Variants in SMIM13 observed in about 807,000 individuals in gnomAD.
SMIM13 encodes the protein UPF0766 protein C6orf228.
SMIM13 carries 3 observed loss-of-function variants against 5.9 expected under a neutral mutation model. The observed-to-expected ratio is 0.51, with a 90% CI of 0.23 to 1.31. The LOEUF is 1.31. Ranked by LOEUF, SMIM13 falls within the 40% of genes most tolerant of loss-of-function variation. The pLI, the probability that SMIM13 is intolerant of heterozygous loss-of-function variation, is 0.18. For synonymous variants in SMIM13, 55 were observed against 46.0 expected (o/e 1.19, Z -0.79); for missense variants, 85 against 109.9 (o/e 0.77, Z 1.01).
At chr6:11,096,884 T>A (rs1299667113) in intron 1 of SMIM13, among the ~76,000 whole-genome samples, 1 of 152,078 alleles carries the variant, frequency 6.6e-6, no homozygotes, top group East Asian at 1.9e-4. Flanking sequence ...AGAGATGGGG[T>A]TTCTCCATGT....
In SMIM13 at chr6:11,103,875, C is replaced by G. The variant is rs748070072; in HGVS notation, c.76+9486C>G. On this transcript the variant is annotated intron_variant, in intron 1 of 1. Coordinates refer to ENST00000416247, the MANE Select transcript of SMIM13 (RefSeq NM_001135575.2). ...TGTAAGGGGAAGAACCCAAGAGAACCATTTCCAAGTTCCTTCCCAATTTAA... is the reference window on the plus strand; with the variant it reads ...TGTAAGGGGAAGAACCCAAGAGAACGATTTCCAAGTTCCTTCCCAATTTAA... The G allele has an allele frequency of 6.4e-6, 10 of 1,551,702 alleles. No individual in the cohort carries two copies. The South Asian group carries it at 1.2e-4, about 18-fold the overall frequency.
chr6:11,123,619 T>A (rs956381476), intron 1 of SMIM13, among the ~76,000 whole-genome samples: 1 of 152,228 alleles, frequency 6.6e-6, no homozygotes, highest in East Asian at 1.9e-4. Flanking sequence ...TTAGATGATA[T>A]GTGCAAAGCA....
At position 11,137,807 on chromosome 6, in the gene SMIM13, A is replaced by C. The variant is rs1300646181; in HGVS notation, c.*3205A>C. 1 of 152,210 alleles carries C rather than the reference A, an allele frequency of 6.6e-6. No homozygotes were observed. The highest frequency in any genetic ancestry group is 1.5e-5 in the Non-Finnish European group (1 of 68,028). The allele number at this position is 152,210 out of a possible 1,614,324, so 9.4% of individuals were successfully genotyped here. Reference sequence around the variant, plus strand: ...TTGATATTTCCATCAAAATGAATATAAAATTCACTTGATGGATTTTGTAGT... The same window carrying C: ...TTGATATTTCCATCAAAATGAATATCAAATTCACTTGATGGATTTTGTAGT... On this transcript the variant is annotated 3_prime_UTR_variant, in exon 2 of 2. Coordinates refer to ENST00000416247, the MANE Select transcript of SMIM13 (RefSeq NM_001135575.2).
At chr6:11,105,274 A>G in intron 1 of SMIM13, 1 of 1,613,996 alleles carries the variant, frequency 6.2e-7, no homozygotes, top group Non-Finnish European at 8.5e-7. Context: ...GCTGCTAGTG[A>G]AGGCGTGAGA....
intron 1 of SMIM13, 98 bp downstream of exon 1, chr6:11,094,487 G>T: frequency 1.1e-6 from 1 of 933,852 alleles, no homozygotes; most frequent in Non-Finnish European, 1.6e-6. Flanking sequence ...AAACAAAAGG[G>T]CGTGGACGGA....
rs111512160 is a variant in SMIM13, at chr6:11,129,079, G to A, written c.77-5324G>A. On this transcript the variant is annotated intron_variant, in intron 1 of 1. Coordinates refer to ENST00000416247, the MANE Select transcript of SMIM13 (RefSeq NM_001135575.2). The stretch of plus-strand genomic sequence containing the variant: ...TCAATTTGGCATTGCTACCGGGAGC[G>A]GGGGGGGGATGATCACTGGAGGCTT... Among the ~76,000 whole-genome samples, 310 of 60,984 alleles carry A rather than the reference G, an allele frequency of 5.1e-3. 1 individual carries two copies. The highest frequency in any genetic ancestry group is 0.019 in the African/African-American group (289 of 15,490). 40.0% of individuals were successfully genotyped at this position (60,984 alleles called of 152,430 possible). A position where few individuals can be genotyped will look rare whatever the true frequency, so the allele number is the denominator to read the frequency against.
At chr6:11,113,661 C>T (rs1421340519) in intron 1 of SMIM13, among the ~76,000 whole-genome samples, 3 of 151,370 alleles carry the variant, frequency 2.0e-5, no homozygotes, top group Admixed American at 6.6e-5. Context: ...CTGCAGCCCC[C>T]GCCTCCTGGG....
chr6:11,118,535 T>G (rs1758269842), intron 1 of SMIM13, among the ~76,000 whole-genome samples: 1 of 152,218 alleles, frequency 6.6e-6, no homozygotes, highest in Admixed American at 6.5e-5. Flanking sequence ...ATACGTTTCG[T>G]TTCCTTAAGA....
intron 1 of SMIM13, among the ~76,000 whole-genome samples, chr6:11,132,822 A>T (rs1167945317): frequency 6.6e-6 from 1 of 152,156 alleles, no homozygotes; most frequent in Admixed American, 6.6e-5. Flanking sequence ...CTTGGGGTTG[A>T]TGAAAATGTT....
In SMIM13 at chr6:11,093,877, C is replaced by A. The variant is rs1047158570; in HGVS notation, c.-437C>A. On this transcript the variant is annotated 5_prime_UTR_variant, in exon 1 of 2. Transcript: ENST00000416247. ...GCGGCCGGGCGACGCTGACATCTGG[C>A]ATCCCTGGGGTCTCAGAGACACGGG... Among the ~76,000 whole-genome samples the A allele has an allele frequency of 3.3e-5, 5 of 152,224 alleles. No homozygotes were observed. Among genetic ancestry groups the A allele is most frequent in the Admixed American group, 3.3e-4 (5 of 15,290 alleles).
intron 1 of SMIM13, chr6:11,104,684 AG>A (rs1200589706): frequency 6.2e-7 from 1 of 1,614,264 alleles, no homozygotes; most frequent in Non-Finnish European, 8.5e-7. Flanking sequence ...TATAATCAGC[AG>A]GCCGGAACCA....
intron 1 of SMIM13, chr6:11,104,583 G>C: frequency 6.2e-7 from 1 of 1,613,260 alleles, no homozygotes; most frequent in Non-Finnish European, 8.5e-7. Context: ...AGCTCCCTTG[G>C]TTTTATTTTC....
intron 1 of SMIM13, among the ~76,000 whole-genome samples, chr6:11,098,051 T>C (rs1757947434): frequency 2.0e-5 from 3 of 152,182 alleles, no homozygotes; most frequent in African/African-American, 7.2e-5. Context: ...TCTCCTGTTT[T>C]CTTATTTCAT....
At chr6:11,131,583 C>T (rs1758450637) in intron 1 of SMIM13, among the ~76,000 whole-genome samples, 1 of 152,064 alleles carries the variant, frequency 6.6e-6, no homozygotes, top group African/African-American at 2.4e-5. Flanking sequence ...TAGGCATATA[C>T]AGGTTAATGG....
chr6:11,125,311 A>AAG (rs1452096446), intron 1 of SMIM13, among the ~76,000 whole-genome samples: 2 of 134,912 alleles, frequency 1.5e-5, no homozygotes, highest in East Asian at 2.3e-4. Context: ...AAAAAAAAAA[A>AAG]AAGGCCTGGT....
chr6:11,111,040 C>T (rs950739408), intron 1 of SMIM13, among the ~76,000 whole-genome samples: 1 of 152,140 alleles, frequency 6.6e-6, no homozygotes, highest in Admixed American at 6.5e-5. Flanking sequence ...GTGTCTATCC[C>T]GGCAGTGAGC....
At chr6:11,103,891 C>T in intron 1 of SMIM13, 1 of 1,551,668 alleles carries the variant, frequency 6.4e-7, no homozygotes, top group South Asian at 1.2e-5. Flanking sequence ...CAAGTTCCTT[C>T]CCAATTTAAC....
At chr6:11,101,009 A>T (rs1581909825) in intron 1 of SMIM13, among the ~76,000 whole-genome samples, 1 of 142,034 alleles carries the variant, frequency 7.0e-6, no homozygotes, top group Admixed American at 7.0e-5. Context: ...TAGATTTGTG[A>T]TCAATTTCCT....
intron 1 of SMIM13, among the ~76,000 whole-genome samples, chr6:11,129,340 T>C (rs1758421346): frequency 1.3e-5 from 2 of 152,220 alleles, no homozygotes; most frequent in African/African-American, 2.4e-5. Flanking sequence ...GCTCCATCCA[T>C]GTTGCTGCCA....
Sources: gnomAD v4.1 joint callset for allele counts (sites outside exome capture counted in the v4.1 genomes callset) on GRCh38, gnomAD v4.1.1 for gene constraint, MANE v1.5 for transcripts, NCBI Gene and HGNC (gene_info 2026-07-23, HGNC 2026-07-21) for gene names.